Variants in NUFIP1 observed in about 807,000 individuals in gnomAD.
NUFIP1 encodes nuclear FMR1 interacting protein 1.
Under a neutral mutation model 56.2 loss-of-function variants are expected in NUFIP1, and 38 were observed. The observed-to-expected ratio is 0.68, with a 90% CI of 0.52 to 0.89. The LOEUF (loss-of-function observed/expected upper bound fraction) is 0.89, where lower values mean the gene tolerates loss of function less well. Among genes scored for constraint, NUFIP1 ranks in the 40% least tolerant of loss-of-function variants. The pLI is 0.00. For synonymous variants in NUFIP1, 215 were observed against 212.4 expected, an observed-to-expected ratio of 1.01 and a Z score of -0.10; for missense variants, 567 against 605.8, an observed-to-expected ratio of 0.94 and a Z score of 0.67.
chr13:44,957,695 C>T (rs1871289891), intron 7 of NUFIP1, among the ~76,000 whole-genome samples: 1 of 147,574 alleles, frequency 6.8e-6, no homozygotes, highest in Non-Finnish European at 1.5e-5. Flanking sequence ...TACTGAAATA[C>T]TTTTTTTTTT....
At chr13:44,941,993 C>T (rs1428047727) in intron 9 of NUFIP1, among the ~76,000 whole-genome samples, 5 of 151,472 alleles carry the variant, frequency 3.3e-5, no homozygotes, top group Admixed American at 2.0e-4. Flanking sequence ...CCATAACCTC[C>T]GCCTCCCGGG....
At chr13:44,979,813 T>C (rs1745658374) in intron 4 of NUFIP1, 77 bp downstream of exon 4, 4 of 1,056,648 alleles carry the variant, frequency 3.8e-6, no homozygotes, top group Non-Finnish European at 5.6e-6. Flanking sequence ...ATTAGGTATA[T>C]AAATAAACAG....
At chr13:44,943,330 G>T (rs915078605) in intron 9 of NUFIP1, 112 bp downstream of exon 9, 3 of 862,604 alleles carry the variant, frequency 3.5e-6, no homozygotes, top group Non-Finnish European at 5.5e-6. Context: ...AGGTCAATGT[G>T]TCTCTGGTAA....
At chr13:44,967,252 C>T (rs1871636299) in intron 5 of NUFIP1, among the ~76,000 whole-genome samples, 1 of 152,048 alleles carries the variant, frequency 6.6e-6, no homozygotes, top group South Asian at 2.1e-4. Flanking sequence ...GTGAAAGAGG[C>T]CGGGTGTGGT....
In NUFIP1 at chr13:44,943,484, C is replaced by A; in HGVS notation, c.1329G>T (p.Thr443=). The A allele has an allele frequency of 1.2e-6, 2 of 1,613,990 alleles. No homozygotes were observed. Among genetic ancestry groups the A allele is most frequent in the South Asian group, 2.2e-5 (2 of 91,084 alleles). ...GATGGTGTGTTCTTGGTTCGAATAA[C>A]GTTTGATAGTTGTGATAATCTTTTT... ...KRKKDYHNYQ[T]LFEPRTHHPY... Residue 443 remains threonine (T), a synonymous_variant, in exon 9 of 10, where the codon ACG becomes ACT. Coordinates refer to ENST00000379161, the MANE Select transcript of NUFIP1 (RefSeq NM_012345.3).
chr13:44,944,362 A>G (rs1307151464), intron 8 of NUFIP1, among the ~76,000 whole-genome samples: 1 of 152,194 alleles, frequency 6.6e-6, no homozygotes, highest in Non-Finnish European at 1.5e-5. Flanking sequence ...CCAGGGATGA[A>G]GTGGAACAGT....
chr13:44,963,487 C>T (rs1004382803), intron 6 of NUFIP1, among the ~76,000 whole-genome samples: 1 of 152,142 alleles, frequency 6.6e-6, no homozygotes, highest in Non-Finnish European at 1.5e-5. Context: ...ATCACTATTG[C>T]ACCATTAAGT....
intron 9 of NUFIP1, 74 bp downstream of exon 9, chr13:44,943,368 A>G: frequency 7.9e-7 from 1 of 1,265,268 alleles, no homozygotes; most frequent in Non-Finnish European, 1.1e-6. Flanking sequence ...ACACACACAC[A>G]CACACACACC....
intron 8 of NUFIP1, among the ~76,000 whole-genome samples, chr13:44,948,920 C>A (rs1320325858): frequency 6.6e-6 from 1 of 152,122 alleles, no homozygotes; most frequent in Non-Finnish European, 1.5e-5. Flanking sequence ...CAAGCTAATG[C>A]AGACACAAGT....
In NUFIP1 at chr13:44,965,934, T is replaced by C. The variant is rs1223135400; in HGVS notation, c.737A>G (p.Asn246Ser). 1 of 1,540,870 alleles carries C rather than the reference T, an allele frequency of 6.5e-7. No individual in the cohort carries two copies. Among genetic ancestry groups the C allele is most frequent in the Admixed American group, 2.0e-5 (1 of 49,470 alleles). ...TTCAATATTGGCCAGAGTTGGATAG[T>C]TTCTAGAAAATAATAAAAGTTAATT... Reference protein sequence around the residue: ...IARWREERRKNYPTLANIERK... With the variant: ...IARWREERRKSYPTLANIERK... Residue 246 changes from asparagine (N) to serine (S), a missense_variant and splice_region_variant, in exon 6 of 10, where the codon AAC becomes AGC. Transcript: ENST00000379161.
At chr13:44,960,619 C>G (rs1481347515) in intron 6 of NUFIP1, among the ~76,000 whole-genome samples, 1 of 152,112 alleles carries the variant, frequency 6.6e-6, no homozygotes, top group East Asian at 1.9e-4. Flanking sequence ...ACAAATATGA[C>G]TTGTTGGACC....
chr13:44,976,034 T>C (rs1871961525), intron 5 of NUFIP1, among the ~76,000 whole-genome samples: 1 of 152,162 alleles, frequency 6.6e-6, no homozygotes, highest in Non-Finnish European at 1.5e-5. Flanking sequence ...ACCGCTACCA[T>C]TCCCCTCAAG....
chr13:44,939,583 A>G lies in NUFIP1; in HGVS notation c.*1623T>C, dbSNP rs1331561398. 1 of 152,226 alleles carries G rather than the reference A, an allele frequency of 6.6e-6. No individual in the cohort carries two copies. The highest frequency in any genetic ancestry group is 1.9e-4 in the East Asian group (1 of 5,200). 9.4% of individuals were successfully genotyped at this position (152,226 alleles called of 1,614,324 possible). On this transcript the variant is annotated 3_prime_UTR_variant, in exon 10 of 10. Coordinates refer to ENST00000379161, the MANE Select transcript of NUFIP1 (RefSeq NM_012345.3). ...TATTGACCATATAATTCCATAAAGT[A>G]GAAACCATACAGGCTATATTATATC...
intron 1 of NUFIP1, among the ~76,000 whole-genome samples, chr13:44,986,111 G>C (rs1872380178): frequency 2.6e-5 from 4 of 152,130 alleles, no homozygotes; most frequent in Admixed American, 2.0e-4. Context: ...GTGAGCCACC[G>C]TGTCTGGATG....
intron 5 of NUFIP1, among the ~76,000 whole-genome samples, chr13:44,978,448 CAGT>C (rs1304142199): frequency 6.6e-6 from 1 of 152,118 alleles, no homozygotes; most frequent in Non-Finnish European, 1.5e-5. Flanking sequence ...CTGATCATTA[CAGT>C]AGTTCTGCAT....
rs577020849 is a variant in NUFIP1 at position 44,981,399 on chromosome 13, CTATT to C, written c.496-583_496-580del. ...ACCATTTCATTTCTATACTAACCGA[CTATT>C]TATGTTATTGGTAAGACTTCCAGTC... On this transcript the variant is annotated intron_variant, in intron 2 of 9. Transcript: ENST00000379161. Among the ~76,000 whole-genome samples the C allele has an allele frequency of 6.3e-4, 96 of 152,154 alleles. 2 individuals carry two copies. The South Asian group carries it at 0.019, about 30-fold the overall frequency.
chr13:44,978,717 G>A (rs974056583), intron 5 of NUFIP1, among the ~76,000 whole-genome samples: 1 of 152,084 alleles, frequency 6.6e-6, no homozygotes. Flanking sequence ...CGGTAAGCCT[G>A]GGATGAAAAC....
intron 2 of NUFIP1, among the ~76,000 whole-genome samples, chr13:44,981,743 C>T (rs950619138): frequency 9.9e-5 from 15 of 152,058 alleles, no homozygotes; most frequent in Admixed American, 2.6e-4. Context: ...ACCCAGGAGG[C>T]GGAGGTTGCA....
chr13:44,978,087 C>CAT (rs1280882800), intron 5 of NUFIP1, among the ~76,000 whole-genome samples: 3 of 152,110 alleles, frequency 2.0e-5, no homozygotes, highest in Non-Finnish European at 4.4e-5. Context: ...CACCCTTATC[C>CAT]AACTCTTTCC....
Sources: allele counts gnomAD v4.1 joint callset (sites outside exome capture counted in the v4.1 genomes callset), GRCh38; gene constraint gnomAD v4.1.1; transcripts MANE v1.5; gene names NCBI Gene and HGNC (gene_info 2026-07-23, HGNC 2026-07-21).